Variants in PTPRA observed in about 807,000 individuals in gnomAD.
PTPRA encodes receptor-type tyrosine-protein phosphatase alpha.
In PTPRA, 25 loss-of-function variants were observed where a neutral mutation model predicts 104.8. The observed-to-expected ratio is 0.24, with a 90% CI of 0.17 to 0.33. The LOEUF is 0.33. Ranked by LOEUF, PTPRA falls within the 10% of genes least tolerant of loss-of-function variation. The pLI, the probability that PTPRA is intolerant of heterozygous loss-of-function variation, is 1.00. For synonymous variants in PTPRA, 323 were observed against 368.9 expected, an observed-to-expected ratio of 0.88 and a Z score of 1.43; for missense variants, 765 against 1,015.3, an observed-to-expected ratio of 0.75 and a Z score of 3.35.
At position 3,037,054 on chromosome 20, in the gene PTPRA, C is replaced by G; in HGVS notation, c.2199-100C>G. The G allele has an allele frequency of 6.6e-7, 1 of 1,519,636 alleles. No individual in the cohort carries two copies. The highest frequency in any genetic ancestry group is 1.4e-5 in the African/African-American group (1 of 72,994). 94.1% of individuals were successfully genotyped at this position (1,519,636 alleles called of 1,614,324 possible). On this transcript the variant is annotated intron_variant, in intron 22 of 23. Transcript: ENST00000399903. The surrounding 1 kb of genome is among the most constrained non-coding windows in gnomAD (Gnocchi z 4.3). ...GGGTCCACAGGGCAAAGGCGAGCAC[C>G]AGCTGCCTGCCCCCACCTCTTCTGC...
intron 1 of PTPRA, among the ~76,000 whole-genome samples, chr20:2,886,610 C>G (rs963487684): frequency 6.6e-6 from 1 of 151,096 alleles, no homozygotes. Context: ...TTTGGGAGGC[C>G]GAGGCGGGCG....
upstream of PTPRA, among the ~76,000 whole-genome samples, chr20:2,869,244 C>A (rs1197826743): frequency 6.6e-6 from 1 of 152,116 alleles, no homozygotes; most frequent in Non-Finnish European, 1.5e-5. Context: ...TCATATATTT[C>A]AAAGTAAGTT....
intron 9 of PTPRA, among the ~76,000 whole-genome samples, chr20:2,990,966 A>G (rs1005692332): frequency 1.3e-5 from 2 of 152,188 alleles, no homozygotes; most frequent in East Asian, 1.9e-4. Flanking sequence ...GTGGGAGACC[A>G]TTTACCAGGC....
intron 2 of PTPRA, among the ~76,000 whole-genome samples, chr20:2,936,674 T>C (rs1047829592): frequency 2.0e-5 from 3 of 152,148 alleles, no homozygotes; most frequent in Non-Finnish European, 4.4e-5. Context: ...GGTTTTGCCA[T>C]GTTGCCCAGG....
intron 20 of PTPRA, among the ~76,000 whole-genome samples, chr20:3,034,275 GA>G (rs141188945): frequency 0.026 from 3,894 of 147,738 alleles, 127 homozygotes; most frequent in African/African-American, 0.075. Context: ...TCTCAAAAAA[GA>G]AAAAAAAAAT....
At chr20:2,896,245 G>T (rs1388672899) in intron 1 of PTPRA, among the ~76,000 whole-genome samples, 1 of 152,096 alleles carries the variant, frequency 6.6e-6, no homozygotes, top group African/African-American at 2.4e-5. Flanking sequence ...CGGGCATGGT[G>T]GTGGGTGCCT....
intron 2 of PTPRA, among the ~76,000 whole-genome samples, chr20:2,938,722 A>G (rs2060798627): frequency 6.6e-6 from 1 of 152,136 alleles, no homozygotes; most frequent in Non-Finnish European, 1.5e-5. Context: ...GAGCCCATCC[A>G]GTGGGTCTTT....
chr20:2,996,470 TC>T (rs1298252530), intron 9 of PTPRA, among the ~76,000 whole-genome samples: 1 of 152,230 alleles, frequency 6.6e-6, no homozygotes, highest in Non-Finnish European at 1.5e-5. Flanking sequence ...GGAAGGCCTT[TC>T]TAAGCTACTT....
At chr20:2,986,151 C>T (rs918150541) in intron 6 of PTPRA, among the ~76,000 whole-genome samples, 1 of 152,184 alleles carries the variant, frequency 6.6e-6, no homozygotes, top group African/African-American at 2.4e-5. Flanking sequence ...AAGCAATCCA[C>T]CCGCTTTGTC....
chr20:2,945,993 CTAAG>C (rs1050070990), intron 2 of PTPRA, among the ~76,000 whole-genome samples: 2 of 151,570 alleles, frequency 1.3e-5, no homozygotes, highest in African/African-American at 2.4e-5. Flanking sequence ...ATTTATATAG[CTAAG>C]TAATTAATAA....
chr20:2,938,412 C>G (rs747650818), intron 2 of PTPRA, among the ~76,000 whole-genome samples: 8 of 152,140 alleles, frequency 5.3e-5, no homozygotes, highest in Non-Finnish European at 8.8e-5. Context: ...TCTCGAACTC[C>G]TGACCTCAGG....
At chr20:3,012,770 G>A (rs2064234089) in intron 11 of PTPRA, among the ~76,000 whole-genome samples, 2 of 152,200 alleles carry the variant, frequency 1.3e-5, no homozygotes, top group African/African-American at 4.8e-5. Flanking sequence ...TGGGCTGCTA[G>A]TTAACACTTA....
upstream of PTPRA, among the ~76,000 whole-genome samples, chr20:2,871,219 C>A (rs1178094469): frequency 6.6e-6 from 1 of 152,170 alleles, no homozygotes; most frequent in Non-Finnish European, 1.5e-5. Flanking sequence ...AAAGAACTTT[C>A]ATTTCCTGAG....
intron 10 of PTPRA, among the ~76,000 whole-genome samples, chr20:3,006,611 T>C (rs2063885513): frequency 6.6e-6 from 1 of 152,230 alleles, no homozygotes; most frequent in Admixed American, 6.5e-5. Context: ...TTAGGACCAC[T>C]ACACTATGCA....
intron 20 of PTPRA, among the ~76,000 whole-genome samples, chr20:3,029,885 G>A (rs1009597273): frequency 6.6e-5 from 10 of 152,068 alleles, no homozygotes; most frequent in African/African-American, 2.4e-4. Flanking sequence ...AAGGTGCTTG[G>A]CTTTGCACTC....
At chr20:3,006,277 C>T (rs997706848) in intron 10 of PTPRA, among the ~76,000 whole-genome samples, 3 of 152,282 alleles carry the variant, frequency 2.0e-5, no homozygotes, top group Non-Finnish European at 4.4e-5. Flanking sequence ...TCCTCGAATT[C>T]CTGGGCTCAA....
chr20:2,903,966 G>A (rs947598648), intron 1 of PTPRA, among the ~76,000 whole-genome samples: 7 of 151,784 alleles, frequency 4.6e-5, no homozygotes, highest in East Asian at 1.9e-4. Context: ...GGGCAGTGGC[G>A]CAATCATGGC....
At chr20:2,945,948 GTA>G (rs756409812) in intron 2 of PTPRA, among the ~76,000 whole-genome samples, 6 of 150,620 alleles carry the variant, frequency 4.0e-5, no homozygotes, top group Non-Finnish European at 5.9e-5. Context: ...ATGCGTGTGT[GTA>G]TATATATATA....
At chr20:2,864,232 G>A in the PTPRA span, 1 of 1,614,218 alleles carries the variant, frequency 6.2e-7, no homozygotes. The surrounding 1 kb of genome is among the most constrained non-coding windows in gnomAD (Gnocchi z 5.2). Flanking sequence ...TCCTAAAGAT[G>A]AAGAGGAGCA....
Sources: allele counts gnomAD v4.1 joint callset (sites outside exome capture counted in the v4.1 genomes callset), GRCh38; gene constraint gnomAD v4.1.1; non-coding constraint Gnocchi (gnomAD v3.1); transcripts MANE v1.5; gene names NCBI Gene and HGNC (gene_info 2026-07-23, HGNC 2026-07-21).